Variants in SDK1 observed in about 807,000 individuals in gnomAD.
SDK1 encodes the protein protein sidekick-1.
Under a neutral mutation model 245.5 loss-of-function variants are expected in SDK1, and 157 were observed. The observed-to-expected ratio is 0.64, with a 90% CI of 0.56 to 0.73. The LOEUF is 0.73. SDK1 is among the 30% of genes least tolerant of loss of function. The pLI is 0.00. For missense variants in SDK1, 3,583 were observed against 3,002.3 expected, an observed-to-expected ratio of 1.19 and a Z score of -4.52; for synonymous variants, 1,647 against 1,278.5, an observed-to-expected ratio of 1.29 and a Z score of -6.15.
intron 4 of SDK1, among the ~76,000 whole-genome samples, chr7:3,665,531 T>G (rs1303957488): frequency 6.6e-6 from 1 of 152,168 alleles, no homozygotes; most frequent in Non-Finnish European, 1.5e-5. Flanking sequence ...GTTCAAGAAG[T>G]ATTTGTTTGG....
At position 3,664,739 on chromosome 7, in the gene SDK1, C is replaced by CAA. The variant is rs3083410; in HGVS notation, c.713+22651_713+22652dup. Among the ~76,000 whole-genome samples the CAA allele has an allele frequency of 7.3e-3, 903 of 123,536 alleles. 14 individuals are homozygous for CAA. Among genetic ancestry groups the CAA allele is most frequent in the African/African-American group, 0.026 (858 of 33,458 alleles). The allele number at this position is 123,536 out of a possible 152,430, so 81.0% of individuals were successfully genotyped here. On this transcript the variant is annotated intron_variant, in intron 4 of 44. Coordinates refer to ENST00000404826, the MANE Select transcript of SDK1 (RefSeq NM_152744.4). ...TGGGCAACAGAGCGAGACTCTGTCT[C>CAA]AAAAAAAAAAAAAAAAAATTGAGAA... is the stretch of plus-strand genomic sequence containing the variant.
At chr7:4,113,808 G>A (rs1291365249) in intron 24 of SDK1, among the ~76,000 whole-genome samples, 1 of 152,210 alleles carries the variant, frequency 6.6e-6, no homozygotes, top group African/African-American at 2.4e-5. Flanking sequence ...ACAAAATTAA[G>A]CCAAAATGTA....
intron 1 of SDK1, among the ~76,000 whole-genome samples, chr7:3,542,022 T>G (rs1286701908): frequency 6.6e-6 from 1 of 152,216 alleles, no homozygotes; most frequent in Non-Finnish European, 1.5e-5. Context: ...ACCTGCACAT[T>G]GTGCACATGT....
intron 28 of SDK1, among the ~76,000 whole-genome samples, chr7:4,139,595 A>ATG (rs1562872159): frequency 3.0e-5 from 2 of 65,714 alleles, no homozygotes; most frequent in African/African-American, 5.9e-5. Flanking sequence ...GTGTGTGTAT[A>ATG]TGTATATATG....
intron 23 of SDK1, 66 bp downstream of exon 23, chr7:4,110,838 T>C: frequency 9.2e-7 from 1 of 1,088,700 alleles, no homozygotes; most frequent in Non-Finnish European, 1.4e-6. Flanking sequence ...TGCCTTCTGT[T>C]GGCAATAGTA....
chr7:3,493,043 C>T (rs1198546091), intron 1 of SDK1, among the ~76,000 whole-genome samples: 12 of 152,164 alleles, frequency 7.9e-5, no homozygotes, highest in Non-Finnish European at 1.0e-4. Context: ...GTCTGCCTCC[C>T]GGGTTCACAC....
chr7:3,640,232 T>G (rs1262734313), intron 3 of SDK1, among the ~76,000 whole-genome samples: 6 of 152,222 alleles, frequency 3.9e-5, no homozygotes, highest in African/African-American at 1.2e-4. Context: ...AGATGTTAAA[T>G]TACATTTTAA....
chr7:4,228,543 T>C (rs1349694977), intron 40 of SDK1, among the ~76,000 whole-genome samples: 1 of 152,188 alleles, frequency 6.6e-6, no homozygotes, highest in Non-Finnish European at 1.5e-5. Context: ...GGCATTGCTT[T>C]TCTCTTTTCT....
At chr7:3,302,402 G>A (rs967465343) in intron 1 of SDK1, 2 of 152,086 alleles carry the variant, frequency 1.3e-5, no homozygotes, top group Non-Finnish European at 2.9e-5. Context: ...GACCCCAAGT[G>A]GGTGCTGCGC....
chr7:3,477,758 C>T (rs914003565), intron 1 of SDK1, among the ~76,000 whole-genome samples: 2 of 152,164 alleles, frequency 1.3e-5, no homozygotes, highest in East Asian at 3.9e-4. Flanking sequence ...AAGTGAACCT[C>T]CCACCTCAGA....
chr7:3,531,984 A>G (rs1922019), intron 1 of SDK1, among the ~76,000 whole-genome samples: 39,227 of 152,148 alleles, frequency 0.26, 5,236 homozygotes, highest in East Asian at 0.34. Context: ...GGAATTTTCC[A>G]GGTAACTGAT....
At chr7:3,402,457 A>G (rs780633833) in intron 1 of SDK1, among the ~76,000 whole-genome samples, 6 of 152,346 alleles carry the variant, frequency 3.9e-5, no homozygotes, top group East Asian at 1.9e-4. Flanking sequence ...GAGTATTTCT[A>G]TTATGATTTT....
chr7:4,231,049 G>A (rs929713772), intron 40 of SDK1, among the ~76,000 whole-genome samples: 1 of 152,094 alleles, frequency 6.6e-6, no homozygotes, highest in African/African-American at 2.4e-5. Flanking sequence ...GAGGAGGCCT[G>A]AACAGAGTAA....
chr7:3,559,769 A>C (rs930091309), intron 1 of SDK1, among the ~76,000 whole-genome samples: 2 of 152,064 alleles, frequency 1.3e-5, no homozygotes, highest in African/African-American at 4.8e-5. Flanking sequence ...AAAAAAAAAA[A>C]AAAACACAAA....
Position 3,881,270 on chromosome 7 carries a change from G to A in SDK1, c.847+59687G>A, listed in dbSNP as rs180799855. Among the ~76,000 whole-genome samples the A allele has an allele frequency of 7.2e-5, 11 of 151,884 alleles. No homozygotes were observed. In the East Asian group the frequency reaches 2.1e-3, roughly 29 times the overall value. ...TCTCCCTCCCCTACCCATGCAACAG[G>A]CCCCCCAGTGTGTGTTGTTCCCCCG... On this transcript the variant is annotated intron_variant, in intron 5 of 44. Transcript: ENST00000404826.
At chr7:3,647,811 G>T (rs1020202027) in intron 4 of SDK1, among the ~76,000 whole-genome samples, 9 of 152,000 alleles carry the variant, frequency 5.9e-5, no homozygotes, top group Admixed American at 3.3e-4. Flanking sequence ...ACACAGTGCT[G>T]GAATGGCTGG....
chr7:3,344,945 C>T (rs895147772), intron 1 of SDK1, among the ~76,000 whole-genome samples: 3 of 152,154 alleles, frequency 2.0e-5, no homozygotes, highest in African/African-American at 4.8e-5. Flanking sequence ...ACAAATTGAC[C>T]TACCACACAG....
intron 1 of SDK1, among the ~76,000 whole-genome samples, chr7:3,437,684 G>C (rs1780069235): frequency 6.6e-6 from 1 of 152,142 alleles, no homozygotes; most frequent in Admixed American, 6.5e-5. Context: ...AGGAGTTTCA[G>C]GTTTCAGTGA....
intron 4 of SDK1, among the ~76,000 whole-genome samples, chr7:3,717,864 G>T (rs1785247791): frequency 6.6e-6 from 1 of 151,898 alleles, no homozygotes; most frequent in African/African-American, 2.4e-5. Context: ...AGTTTTACAG[G>T]GTTTTGTTTA....
Sources: gnomAD v4.1 joint callset for allele counts (sites outside exome capture counted in the v4.1 genomes callset) on GRCh38, gnomAD v4.1.1 for gene constraint, MANE v1.5 for transcripts, NCBI Gene and HGNC (gene_info 2026-07-23, HGNC 2026-07-21) for gene names.